Variants in COL5A2 observed in about 807,000 individuals in gnomAD.
The protein encoded by COL5A2 is collagen type V alpha 2 chain.
A neutral mutation model predicts 208.2 loss-of-function variants in COL5A2; 23 were observed. The ratio of observed to expected loss-of-function variants is 0.11; its 90% confidence interval spans 0.08 to 0.16. The LOEUF (loss-of-function observed/expected upper bound fraction) is 0.16, where lower values mean the gene tolerates loss of function less well. Ranked by LOEUF, COL5A2 falls within the 10% of genes least tolerant of loss-of-function variation. The pLI, the probability that COL5A2 is intolerant of heterozygous loss-of-function variation, is 1.00. For synonymous variants in COL5A2, 625 were observed against 628.5 expected (o/e 0.99, Z 0.08); for missense variants, 1,590 against 1,956.4 (o/e 0.81, Z 3.53).
the COL5A2 span, among the ~76,000 whole-genome samples, chr2:189,391,404 T>G: frequency 6.6e-6 from 1 of 152,144 alleles, no homozygotes; most frequent in Non-Finnish European, 1.5e-5. Context: ...GATGACAAAC[T>G]TAAAATGAGA....
chr2:189,150,613 T>C (rs1319741589), intron 1 of COL5A2, among the ~76,000 whole-genome samples: 1 of 152,190 alleles, frequency 6.6e-6, no homozygotes, highest in African/African-American at 2.4e-5. Context: ...TTTCTTGATA[T>C]AACCTCCTAC....
chr2:189,278,979 T>C, the COL5A2 span, among the ~76,000 whole-genome samples: 3 of 151,998 alleles, frequency 2.0e-5, no homozygotes, highest in Admixed American at 2.0e-4. Flanking sequence ...TGAAAATACC[T>C]ATTATACTTG....
chr2:189,332,545 T>TA, the COL5A2 span, among the ~76,000 whole-genome samples: 1 of 152,218 alleles, frequency 6.6e-6, no homozygotes, highest in Non-Finnish European at 1.5e-5. Context: ...GCTGTTCTCA[T>TA]AATAGTGAAT....
At chr2:189,378,668 G>A in the COL5A2 span, among the ~76,000 whole-genome samples, 1 of 150,838 alleles carries the variant, frequency 6.6e-6, no homozygotes, top group East Asian at 2.0e-4. Flanking sequence ...AGCTTGCAGT[G>A]AGCAGAGATC....
the COL5A2 span, among the ~76,000 whole-genome samples, chr2:189,420,071 AGGG>A: frequency 9.9e-6 from 1 of 100,582 alleles, no homozygotes; most frequent in Non-Finnish European, 1.9e-5. Flanking sequence ...GAAGGAAGGG[AGGG>A]AGGGAGGGAG....
chr2:189,104,245 T>C lies in COL5A2; in HGVS notation c.336+19A>G, dbSNP rs759002322. Reference sequence around the variant, plus strand: ...ATAAGTCTGCTTATGAAAAAGAAAATATGCAAAGTAACACTTACCTTTCTT... The same window carrying C: ...ATAAGTCTGCTTATGAAAAAGAAAACATGCAAAGTAACACTTACCTTTCTT... On this transcript the variant is annotated intron_variant, in intron 3 of 53. Coordinates refer to ENST00000374866, the MANE Select transcript of COL5A2 (RefSeq NM_000393.5). 1 of 1,493,900 alleles carries C rather than the reference T, an allele frequency of 6.7e-7. No homozygotes were observed. The highest frequency in any genetic ancestry group is 9.3e-7 in the Non-Finnish European group (1 of 1,073,054). 92.5% of individuals were successfully genotyped at this position (1,493,900 alleles called of 1,614,324 possible). A position where few individuals can be genotyped will look rare whatever the true frequency, so the allele number is the denominator to read the frequency against.
intron 5 of COL5A2, 68 bp from the exon 6 acceptor site, chr2:189,097,398 C>T (rs763878254): frequency 6.5e-7 from 1 of 1,543,932 alleles, no homozygotes; most frequent in Non-Finnish European, 8.9e-7. Flanking sequence ...TAAAAGTCTA[C>T]TTGATAAAAG....
the COL5A2 span, among the ~76,000 whole-genome samples, chr2:189,375,803 A>G: frequency 2.6e-4 from 40 of 152,258 alleles, no homozygotes; most frequent in African/African-American, 9.6e-4. Flanking sequence ...GGAAAAAATT[A>G]GTTTTATTAT....
intron 51 of COL5A2, among the ~76,000 whole-genome samples, chr2:189,037,677 G>A (rs935537803): frequency 3.9e-5 from 6 of 152,078 alleles, no homozygotes; most frequent in African/African-American, 1.4e-4. Context: ...TGCAACTAGG[G>A]CAGAACAACT....
chr2:189,117,495 A>T (rs1687415710), intron 1 of COL5A2, among the ~76,000 whole-genome samples: 1 of 152,108 alleles, frequency 6.6e-6, no homozygotes, highest in African/African-American at 2.4e-5. Flanking sequence ...ATGTCTACTT[A>T]ATCTCTCCTA....
At chr2:189,225,123 T>C (rs1232323954) in intron 1 of COL5A2, among the ~76,000 whole-genome samples, 2 of 152,156 alleles carry the variant, frequency 1.3e-5, no homozygotes, top group Non-Finnish European at 2.9e-5. Flanking sequence ...CCAAGCTTAA[T>C]CAAAACTCTT....
At chr2:189,316,512 TA>T in the COL5A2 span, among the ~76,000 whole-genome samples, 1 of 149,996 alleles carries the variant, frequency 6.7e-6, no homozygotes, top group Non-Finnish European at 1.5e-5. Flanking sequence ...AATTAAAATG[TA>T]AAAAAAAATA....
At chr2:189,315,662 A>G in the COL5A2 span, among the ~76,000 whole-genome samples, 1 of 152,100 alleles carries the variant, frequency 6.6e-6, no homozygotes, top group Non-Finnish European at 1.5e-5. Flanking sequence ...CAGATGACAT[A>G]ATCCTGTATC....
chr2:189,231,668 A>G, the COL5A2 span, among the ~76,000 whole-genome samples: 1 of 151,854 alleles, frequency 6.6e-6, no homozygotes, highest in African/African-American at 2.4e-5. Flanking sequence ...ATGTAGATAT[A>G]TATAGACAGA....
At chr2:189,407,597 C>T in the COL5A2 span, among the ~76,000 whole-genome samples, 8 of 152,108 alleles carry the variant, frequency 5.3e-5, no homozygotes, top group Admixed American at 1.3e-4. Flanking sequence ...AATGCTCCAT[C>T]GTCCCAGCAG....
chr2:189,294,066 C>T, the COL5A2 span, among the ~76,000 whole-genome samples: 476 of 141,428 alleles, frequency 3.4e-3, 3 homozygotes, highest in African/African-American at 0.012. Flanking sequence ...CCAGCCTGGG[C>T]GACAGAGCGA....
chr2:189,121,490 A>G (rs1687498582), intron 1 of COL5A2, among the ~76,000 whole-genome samples: 2 of 152,068 alleles, frequency 1.3e-5, no homozygotes, highest in Non-Finnish European at 2.9e-5. Context: ...GTCCATGGGA[A>G]GGTGCCTTGG....
At chr2:189,305,816 A>G in the COL5A2 span, among the ~76,000 whole-genome samples, 1 of 23,910 alleles carries the variant, frequency 4.2e-5, no homozygotes, top group Non-Finnish European at 1.8e-4. Context: ...ATTCAATCTA[A>G]AAAAAAAAAA....
chr2:189,119,348 T>C (rs2105731909), intron 1 of COL5A2, among the ~76,000 whole-genome samples: 1 of 152,174 alleles, frequency 6.6e-6, no homozygotes, highest in South Asian at 2.1e-4. Context: ...AAGGAGGTTT[T>C]ACAAGTTTCT....
Sources: allele counts gnomAD v4.1 joint callset (sites outside exome capture counted in the v4.1 genomes callset), GRCh38; gene constraint gnomAD v4.1.1; transcripts MANE v1.5; gene names NCBI Gene and HGNC (gene_info 2026-07-23, HGNC 2026-07-21).